Variants in CYB5R2 observed in about 807,000 individuals in gnomAD.
CYB5R2 encodes the protein NADH-cytochrome b5 reductase 2.
Under a neutral mutation model 29.8 loss-of-function variants are expected in CYB5R2, and 35 were observed. The observed-to-expected ratio is 1.17, with a 90% CI of 0.90 to 1.56. CYB5R2 has a LOEUF of 1.56. CYB5R2 is among the 40% of genes most tolerant of loss of function. CYB5R2 has a pLI of 0.00. For missense variants in CYB5R2, 419 were observed against 346.7 expected, an observed-to-expected ratio of 1.21 and a Z score of -1.66; for synonymous variants, 169 against 130.6, an observed-to-expected ratio of 1.29 and a Z score of -2.01.
At chr11:7,672,205 C>A (rs1855786818) in intron 3 of CYB5R2, 2 of 471,026 alleles carry the variant, frequency 4.2e-6, no homozygotes, top group Admixed American at 7.3e-5. Flanking sequence ...CCTTTTGGCT[C>A]TAGGTTCAGT....
At chr11:7,673,611 G>C (rs1018139267), upstream of CYB5R2, 1 of 985,294 alleles carries the variant, frequency 1.0e-6, no homozygotes, top group Non-Finnish European at 1.2e-6. Flanking sequence ...TCGGACGTTC[G>C]TTCCCGGCTC....
intron 8 of CYB5R2, 140 bp from the exon 9 acceptor site, chr11:7,665,686 C>T (rs959697367): frequency 3.4e-5 from 39 of 1,139,696 alleles, no homozygotes; most frequent in African/African-American, 6.3e-5. Flanking sequence ...ACTACTGCTC[C>T]CTGCAAAAAG....
intron 8 of CYB5R2, 182 bp from the exon 9 acceptor site, chr11:7,665,728 A>AG: frequency 8.3e-7 from 1 of 1,203,914 alleles, no homozygotes. Flanking sequence ...CTCTGCAGCA[A>AG]TCACCCCAGG....
intron 3 of CYB5R2, chr11:7,671,402 C>T (rs539425204): frequency 1.6e-3 from 245 of 152,404 alleles, no homozygotes; most frequent in African/African-American, 5.4e-3. Flanking sequence ...CCTTGTCCCA[C>T]TAACTTTGCA....
In CYB5R2 at chr11:7,672,457, G is replaced by A. The variant is rs1280279641; in HGVS notation, c.145C>T (p.Pro49Ser). ...TGACCCAAGCCCGGCTCACCTACAG[G>A]AAGCCCTAAGACATGGTCCGGCGAA... ...LPSPDHVLGL[P>S]VGNYVQLLAK... is the part of the protein sequence containing the mutation. The change falls in exon 3 of 9, where the codon CCT becomes TCT. Residue 49 changes from proline to serine, a missense_variant. Coordinates refer to ENST00000299498, the MANE Select transcript of CYB5R2 (RefSeq NM_016229.5). The A allele has an allele frequency of 2.5e-6, 4 of 1,613,996 alleles. No homozygotes were observed. The African/African-American group carries it at 4.0e-5, about 16-fold the overall frequency.
In CYB5R2 at chr11:7,672,819, A is replaced by C; in HGVS notation, c.7T>G (p.Ser3Ala). ...AAGGTGATTGGCTCTCTCCTCCTGG[A>C]GTTCATGCTCTTCAGGACCAACACG... Reference protein sequence around the residue: MNSRRREPITLQD... With the variant: MNARRREPITLQD... Residue 3 changes from serine to alanine, a missense_variant, in exon 2 of 9, where the codon TCC becomes GCC. By Grantham distance (99) the Ser-to-Ala change is moderately conservative (BLOSUM62 1). Coordinates refer to ENST00000299498, the MANE Select transcript of CYB5R2 (RefSeq NM_016229.5). 2 of 1,614,096 alleles carry C rather than the reference A, an allele frequency of 1.2e-6. No homozygotes were observed. The highest frequency in any genetic ancestry group is 1.7e-6 in the Non-Finnish European group (2 of 1,179,990).
chr11:7,665,323 C>T lies in CYB5R2; in HGVS notation c.*51G>A, dbSNP rs772940722. The T allele has an allele frequency of 2.0e-5, 28 of 1,416,730 alleles. No individual in the cohort carries two copies. In the South Asian group the frequency reaches 2.1e-4, roughly 10 times the overall value. The allele number at this position is 1,416,730 out of a possible 1,614,324, so 87.8% of individuals were successfully genotyped here. A position where few individuals can be genotyped will look rare whatever the true frequency, so the allele number is the denominator to read the frequency against. ...GTTTACCGTGGTGAAATTGAACTTA[C>T]TCTGAAACAGATGAAAAGGGACATG... On this transcript the variant is annotated 3_prime_UTR_variant, in exon 9 of 9. Coordinates refer to ENST00000299498, the MANE Select transcript of CYB5R2 (RefSeq NM_016229.5).
rs1381087473 is a variant in CYB5R2 at position 7,673,426 on chromosome 11, G to A, written c.-74C>T. On this transcript the variant is annotated 5_prime_UTR_variant, in exon 1 of 9. Transcript: ENST00000299498. ...CCCCGCATCTGTCCCTACCCTACAA[G>A]GCCGCCCTGCTCCTCTCCCAACTCA... 2.0e-6 allele frequency: 2 copies of A among 989,516 alleles called. No individual in the cohort carries two copies. The highest frequency in any genetic ancestry group is 1.1e-4 in the East Asian group (1 of 8,928). 61.3% of individuals were successfully genotyped at this position (989,516 alleles called of 1,614,324 possible).
intron 4 of CYB5R2, 128 bp downstream of exon 4, chr11:7,669,497 T>C (rs1396326520): frequency 8.3e-7 from 1 of 1,205,710 alleles, no homozygotes; most frequent in African/African-American, 1.5e-5. Flanking sequence ...AGGTTAACTG[T>C]AGCTTCACTG....
rs778804781 is a variant in CYB5R2, at chr11:7,665,920, G to A, written c.659-374C>T. 50 of 1,535,920 alleles carry A rather than the reference G, an allele frequency of 3.3e-5. No individual in the cohort carries two copies. The South Asian group carries it at 3.8e-4, about 12-fold the overall frequency. Reference sequence around the variant, plus strand: ...GCGCAGAATTGCTCAGTAGGGTAGCGCCCTCTGCCGACCAGGGACCTGTAT... The same window carrying A: ...GCGCAGAATTGCTCAGTAGGGTAGCACCCTCTGCCGACCAGGGACCTGTAT... On this transcript the variant is annotated intron_variant, in intron 8 of 8. Coordinates refer to ENST00000299498, the MANE Select transcript of CYB5R2 (RefSeq NM_016229.5).
chr11:7,665,315 T>C lies in CYB5R2; in HGVS notation c.*59A>G. ...ACATCCCAGTTTACCGTGGTGAAAT[T>C]GAACTTACTCTGAAACAGATGAAAA... On this transcript the variant is annotated 3_prime_UTR_variant, in exon 9 of 9. Transcript: ENST00000299498. 1 of 1,369,704 alleles carries C rather than the reference T, an allele frequency of 7.3e-7. No homozygotes were observed. Among genetic ancestry groups the C allele is most frequent in the Non-Finnish European group, 9.8e-7 (1 of 1,022,330 alleles). 84.8% of individuals were successfully genotyped at this position (1,369,704 alleles called of 1,614,324 possible). A position where few individuals can be genotyped will look rare whatever the true frequency, so the allele number is the denominator to read the frequency against.
chr11:7,673,842 C>T, upstream of CYB5R2: 1 of 987,842 alleles, frequency 1.0e-6, no homozygotes, highest in Non-Finnish European at 1.2e-6. Flanking sequence ...CGGCCGAGAC[C>T]CGGACACGCA....
chr11:7,669,814 G>T, intron 3 of CYB5R2, 83 bp from the exon 4 acceptor site: 1 of 997,598 alleles, frequency 1.0e-6, no homozygotes, highest in Non-Finnish European at 1.6e-6. Flanking sequence ...CTTCAGTGAA[G>T]GGAGCAAATA....
Position 7,668,489 on chromosome 11 carries a change from G to A in CYB5R2, c.461C>T (p.Ala154Val), listed in dbSNP as rs766810379. Residue 154 changes from alanine to valine, a missense_variant, in exon 6 of 9, where the codon GCT becomes GTT. Coordinates refer to ENST00000299498, the MANE Select transcript of CYB5R2 (RefSeq NM_016229.5). ...TAGAAGCCTCTTACCTGTGCCCCCA[G>A]CAATCATTCCCAGGTGATCGGCCAG... The part of the protein sequence containing the change: ...KTLADHLGMI[A>V]GGTGITPMLQ... 1 of 1,613,756 alleles carries A rather than the reference G, an allele frequency of 6.2e-7. No homozygotes were observed. Among genetic ancestry groups the A allele is most frequent in the Non-Finnish European group, 8.5e-7 (1 of 1,179,660 alleles).
At chr11:7,668,684 T>G in intron 5 of CYB5R2, 123 bp from the exon 6 acceptor site, 2 of 835,800 alleles carry the variant, frequency 2.4e-6, no homozygotes, top group Non-Finnish European at 4.1e-6. Context: ...TGCACCATTT[T>G]AAGCTGGAGA....
rs939506457 is a variant in CYB5R2 at position 7,665,285 on chromosome 11, T to G, written c.*89A>C. The G allele has an allele frequency of 1.8e-5, 21 of 1,199,458 alleles. No homozygotes were observed. Among genetic ancestry groups the G allele is most frequent in the Non-Finnish European group, 2.4e-5 (21 of 870,256 alleles). 74.3% of individuals were successfully genotyped at this position (1,199,458 alleles called of 1,614,324 possible). On this transcript the variant is annotated 3_prime_UTR_variant, in exon 9 of 9. Coordinates refer to ENST00000299498, the MANE Select transcript of CYB5R2 (RefSeq NM_016229.5). ...GCGAAGGTACATGGCAAGGCACTTT[T>G]GAAAACATCCCAGTTTACCGTGGTG...
chr11:7,665,268 A>G lies in CYB5R2; in HGVS notation c.*106T>C. 2 of 1,005,222 alleles carry G rather than the reference A, an allele frequency of 2.0e-6. No individual in the cohort carries two copies. Among genetic ancestry groups the G allele is most frequent in the South Asian group, 1.8e-5 (1 of 56,972 alleles). The allele number at this position is 1,005,222 out of a possible 1,614,324, so 62.3% of individuals were successfully genotyped here. ...GGAGAACCAGTGTGTGCGCGAAGGT[A>G]CATGGCAAGGCACTTTTGAAAACAT... On this transcript the variant is annotated 3_prime_UTR_variant, in exon 9 of 9. Coordinates refer to ENST00000299498, the MANE Select transcript of CYB5R2 (RefSeq NM_016229.5).
At chr11:7,666,595 C>A in intron 7 of CYB5R2, 45 bp from the exon 8 acceptor site, 1 of 1,421,630 alleles carries the variant, frequency 7.0e-7, no homozygotes, top group Non-Finnish European at 9.9e-7. Context: ...GGGCCATCCT[C>A]TTGTTCCCTG....
At chr11:7,669,489 G>A in intron 4 of CYB5R2, 136 bp downstream of exon 4, 7 of 1,222,414 alleles carry the variant, frequency 5.7e-6, no homozygotes, top group Non-Finnish European at 8.1e-6. Flanking sequence ...CTGCCACAAG[G>A]TTAACTGTAG....
Sources: allele counts gnomAD v4.1 joint callset, GRCh38; gene constraint gnomAD v4.1.1; transcripts MANE v1.5; gene names NCBI Gene and HGNC (gene_info 2026-07-23, HGNC 2026-07-21).